Variants in CSMD1 observed in about 807,000 individuals in gnomAD.
The protein encoded by CSMD1 is CUB and sushi domain-containing protein 1.
A neutral mutation model predicts 417.5 loss-of-function variants in CSMD1; 213 were observed. The ratio of observed to expected loss-of-function variants is 0.51; its 90% CI spans 0.46 to 0.57. The LOEUF (loss-of-function observed/expected upper bound fraction) is 0.57. CSMD1 is among the 20% of genes least tolerant of loss of function. The pLI, the probability that CSMD1 is intolerant of heterozygous loss-of-function variation, is 0.00. For synonymous variants in CSMD1, 2,862 were observed against 1,736.8 expected, an observed-to-expected ratio of 1.65 and a Z score of -16.11; for missense variants, 6,923 against 4,529.7, an observed-to-expected ratio of 1.53 and a Z score of -15.17.
intron 1 of CSMD1, among the ~76,000 whole-genome samples, chr8:4,726,348 G>A (rs996743896): frequency 5.3e-5 from 8 of 150,884 alleles, no homozygotes; most frequent in Non-Finnish European, 1.2e-4. Flanking sequence ...ATTCCTGAAA[G>A]ATAGTTATTA....
chr8:4,267,552 A>T (rs183190334), intron 3 of CSMD1, among the ~76,000 whole-genome samples: 1 of 152,054 alleles, frequency 6.6e-6, no homozygotes, highest in East Asian at 1.9e-4. Context: ...TTGTAATAGA[A>T]ATAGCAATGG....
chr8:3,716,764 T>C (rs886806106), intron 6 of CSMD1, among the ~76,000 whole-genome samples: 74 of 152,162 alleles, frequency 4.9e-4, no homozygotes, highest in African/African-American at 1.7e-3. Flanking sequence ...CAAACGCCTC[T>C]TGACAATATG....
In CSMD1 at chr8:4,812,406, G is replaced by A. The variant is rs538987099; in HGVS notation, c.86-174848C>T. ...AAATTCTACTGCTCTATAGCACAGA[G>A]TAGTGACTTTGTCAATTTCTAAGTA... On this transcript the variant is annotated intron_variant, in intron 1 of 69. Transcript: ENST00000635120. Among the ~76,000 whole-genome samples the A allele has an allele frequency of 3.3e-5, 5 of 152,300 alleles. No homozygotes were observed. In the South Asian group the frequency reaches 1.0e-3, roughly 32 times the overall value.
chr8:4,767,868 T>C (rs1417227888), intron 1 of CSMD1, among the ~76,000 whole-genome samples: 1 of 152,176 alleles, frequency 6.6e-6, no homozygotes, highest in Non-Finnish European at 1.5e-5. Flanking sequence ...GTGATGCTAC[T>C]AGCTAGTTTA....
At chr8:3,958,949 A>T (rs1812145822) in intron 5 of CSMD1, among the ~76,000 whole-genome samples, 1 of 152,106 alleles carries the variant, frequency 6.6e-6, no homozygotes, top group South Asian at 2.1e-4. Flanking sequence ...TTGAGCCCTG[A>T]CCTTGGCTTA....
chr8:3,075,018 T>C (rs1049682883), intron 49 of CSMD1, among the ~76,000 whole-genome samples: 3 of 152,126 alleles, frequency 2.0e-5, no homozygotes, highest in Admixed American at 6.5e-5. Context: ...GTCCTCATGA[T>C]AGTGAGTGAG....
At chr8:3,494,220 G>C (rs957163262) in intron 10 of CSMD1, among the ~76,000 whole-genome samples, 2 of 151,998 alleles carry the variant, frequency 1.3e-5, no homozygotes, top group Non-Finnish European at 2.9e-5. Flanking sequence ...ATTTAGTCTT[G>C]CAAAGCCTGT....
chr8:4,284,540 C>G (rs940834825), intron 3 of CSMD1, among the ~76,000 whole-genome samples: 12 of 152,294 alleles, frequency 7.9e-5, no homozygotes, highest in African/African-American at 1.9e-4. Context: ...GCGCGACACA[C>G]TTGCATATGC....
Position 3,969,033 on chromosome 8 carries a change from T to G in CSMD1, c.818+28870A>C, listed in dbSNP as rs368538442. On this transcript the variant is annotated intron_variant, in intron 5 of 69. Transcript: ENST00000635120. ...TGGAAGGCCGAGGCAGGTGGATCAC[T>G]TGAGTTCAGGAGTTCGAGACCAGCC... is the stretch of plus-strand genomic sequence containing the variant. Among the ~76,000 whole-genome samples, 17 of 152,254 alleles carry G rather than the reference T, an allele frequency of 1.1e-4. No homozygotes were observed. The East Asian group carries it at 1.9e-3, about 17-fold the overall frequency.
intron 1 of CSMD1, among the ~76,000 whole-genome samples, chr8:4,725,091 T>G (rs942083511): frequency 6.4e-4 from 97 of 152,306 alleles, no homozygotes; most frequent in African/African-American, 2.3e-3. Flanking sequence ...CGATCCGAAC[T>G]TTTCAAATTA....
intron 1 of CSMD1, among the ~76,000 whole-genome samples, chr8:4,695,309 G>A (rs1199490168): frequency 2.0e-5 from 3 of 152,140 alleles, no homozygotes; most frequent in South Asian, 2.1e-4. Context: ...CTGCACTCCT[G>A]GCATTGAAAT....
intron 3 of CSMD1, among the ~76,000 whole-genome samples, chr8:4,308,253 T>A (rs1327098866): frequency 6.7e-6 from 1 of 149,870 alleles, no homozygotes; most frequent in African/African-American, 2.5e-5. Context: ...GTTTTTTTTA[T>A]GTGTGTGTGT....
chr8:4,175,022 TTAAGTA>T (rs1416631312), intron 3 of CSMD1, among the ~76,000 whole-genome samples: 7 of 151,796 alleles, frequency 4.6e-5, no homozygotes, highest in Middle Eastern at 3.2e-3. Flanking sequence ...CTTTTCCACT[TTAAGTA>T]TATTACATTC....
At chr8:4,765,618 G>A (rs984026690) in intron 1 of CSMD1, among the ~76,000 whole-genome samples, 5 of 152,184 alleles carry the variant, frequency 3.3e-5, no homozygotes, top group African/African-American at 1.2e-4. Flanking sequence ...GAAAAAATTG[G>A]ATGCAAGGCA....
rs186619581 is a variant in CSMD1, at chr8:3,743,600, T to A, written c.931+10330A>T. Among the ~76,000 whole-genome samples, 703 of 152,296 alleles carry A rather than the reference T, an allele frequency of 4.6e-3. 2 individuals carry two copies. The highest frequency in any genetic ancestry group is 6.6e-3 in the Non-Finnish European group (451 of 68,022). On this transcript the variant is annotated intron_variant, in intron 6 of 69. Transcript: ENST00000635120. ...ATTACGCCGAAGGGAAAAGTCAAGC[T>A]GGGAACTAGGTCTCGAAAACCTTCC...
chr8:4,360,900 T>C (rs1167831133), intron 3 of CSMD1, among the ~76,000 whole-genome samples: 1 of 152,188 alleles, frequency 6.6e-6, no homozygotes, highest in Non-Finnish European at 1.5e-5. Flanking sequence ...CCCCTGAAAG[T>C]AGAATTAGGC....
intron 5 of CSMD1, among the ~76,000 whole-genome samples, chr8:3,968,004 T>TAAAAAAAAAAAAAAA (rs11330461): frequency 2.0e-4 from 20 of 98,886 alleles, no homozygotes; most frequent in African/African-American, 8.7e-4. Context: ...CGTCACTGCT[T>TAAAAAAAAAAAAAAA]AAAAAAAAAA....
intron 41 of CSMD1, among the ~76,000 whole-genome samples, chr8:3,125,392 C>G (rs1056249858): frequency 6.6e-6 from 1 of 152,098 alleles, no homozygotes; most frequent in South Asian, 2.1e-4. Context: ...TTGCTCTGTA[C>G]CCATCATAAA....
rs1797480009 is a variant in CSMD1 at position 4,787,706 on chromosome 8, A to T, written c.86-150148T>A. ...CCTAAAGTGGAGTTGTTTTTCAAGG[A>T]TGCTGCCAATAATGACCCACAGTGG... On this transcript the variant is annotated intron_variant, in intron 1 of 69. Transcript: ENST00000635120. 10 of 1,592,450 alleles carry T rather than the reference A, an allele frequency of 6.3e-6. No individual in the cohort carries two copies. In the South Asian group the frequency reaches 8.8e-5, roughly 14 times the overall value.
Sources: gnomAD v4.1 joint callset for allele counts (sites outside exome capture counted in the v4.1 genomes callset) on GRCh38, gnomAD v4.1.1 for gene constraint, MANE v1.5 for transcripts, NCBI Gene and HGNC (gene_info 2026-07-23, HGNC 2026-07-21) for gene names.